Variants in CDH17 observed in about 807,000 individuals in gnomAD.
The protein encoded by CDH17 is cadherin 17.
Under a neutral mutation model 86.3 loss-of-function variants are expected in CDH17, and 67 were observed. The observed-to-expected ratio is 0.78, with a 90% CI of 0.64 to 0.95. CDH17 has a LOEUF of 0.95. Among genes scored for constraint, CDH17 ranks in the 40% least tolerant of loss-of-function variants. The pLI, the probability that CDH17 is intolerant of heterozygous loss-of-function variation, is 0.00. For synonymous variants in CDH17, 367 were observed against 366.4 expected (o/e 1.00, Z -0.02); for missense variants, 993 against 1,017.6 (o/e 0.98, Z 0.33).
intron 10 of CDH17, 69 bp downstream of exon 10, chr8:94,165,692 G>T: frequency 2.0e-6 from 2 of 1,023,898 alleles, no homozygotes; most frequent in Non-Finnish European, 3.1e-6. Context: ...AGACATTAGC[G>T]CAGGAAAATA....
intron 12 of CDH17, among the ~76,000 whole-genome samples, chr8:94,157,584 C>A (rs1471067105): frequency 3.3e-5 from 5 of 152,154 alleles, no homozygotes; most frequent in Non-Finnish European, 7.3e-5. Flanking sequence ...AGTGATCTTA[C>A]AAATAAATTT....
At chr8:94,191,598 C>T (rs1158218579) in intron 2 of CDH17, among the ~76,000 whole-genome samples, 3 of 55,762 alleles carry the variant, frequency 5.4e-5, no homozygotes, top group African/African-American at 1.5e-4. Context: ...ATTACAGGCA[C>T]CCCCCCACCA....
At chr8:94,143,457 G>C (rs1017733934) in intron 15 of CDH17, among the ~76,000 whole-genome samples, 2 of 152,186 alleles carry the variant, frequency 1.3e-5, no homozygotes, top group African/African-American at 2.4e-5. Flanking sequence ...ATTAGGGTTG[G>C]CTTTAACTTA....
intron 15 of CDH17, among the ~76,000 whole-genome samples, chr8:94,134,356 T>C (rs1812479846): frequency 6.6e-6 from 1 of 152,204 alleles, no homozygotes; most frequent in Non-Finnish European, 1.5e-5. Flanking sequence ...TATTCAGAGA[T>C]TCAACTTCTT....
intron 12 of CDH17, among the ~76,000 whole-genome samples, chr8:94,159,549 A>G (rs1462037602): frequency 6.6e-6 from 1 of 152,090 alleles, no homozygotes; most frequent in East Asian, 1.9e-4. Context: ...CCTGAGTGCC[A>G]CTCCCAGACC....
At chr8:94,166,071 C>G (rs764036171) in intron 9 of CDH17, 95 bp from the exon 10 acceptor site, 109 of 741,048 alleles carry the variant, frequency 1.5e-4, no homozygotes, top group Admixed American at 2.1e-4. Context: ...TAGAAAACAC[C>G]ATGAATAACT....
At chr8:94,147,596 G>C (rs1034216164) in intron 14 of CDH17, among the ~76,000 whole-genome samples, 1 of 152,078 alleles carries the variant, frequency 6.6e-6, no homozygotes, top group Non-Finnish European at 1.5e-5. Context: ...TTAGAGACTG[G>C]TCAACATTGG....
At chr8:94,214,945 G>T (rs1586039711) in intron 1 of CDH17, among the ~76,000 whole-genome samples, 1 of 152,100 alleles carries the variant, frequency 6.6e-6, no homozygotes, top group Non-Finnish European at 1.5e-5. Context: ...ACCCACCAGG[G>T]TGTTTCATAC....
intron 1 of CDH17, among the ~76,000 whole-genome samples, chr8:94,204,211 G>A (rs1488741953): frequency 6.6e-6 from 1 of 151,932 alleles, no homozygotes; most frequent in Non-Finnish European, 1.5e-5. Context: ...AGGTATAGAC[G>A]TGCCATGGTG....
chr8:94,200,521 A>ATTAT (rs1293545730), intron 1 of CDH17, among the ~76,000 whole-genome samples: 1 of 86,526 alleles, frequency 1.2e-5, no homozygotes, highest in Admixed American at 1.3e-4. Context: ...TCAGAGGGTT[A>ATTAT]TTATTATTAT....
chr8:94,199,083 ATTT>A (rs71510475), intron 1 of CDH17, among the ~76,000 whole-genome samples: 492 of 22,874 alleles, frequency 0.022, 5 homozygotes, highest in African/African-American at 0.029. Flanking sequence ...ATATATATAT[ATTT>A]TTTTTTTTTT....
At chr8:94,174,283 A>G (rs1813329364) in intron 5 of CDH17, 23 bp from the exon 6 acceptor site, 2 of 380,902 alleles carry the variant, frequency 5.3e-6, no homozygotes, top group Non-Finnish European at 7.6e-6. Flanking sequence ...ACGTACCCAG[A>G]AAAAAAAAAA....
chr8:94,129,807 T>G (rs976083505), intron 17 of CDH17, among the ~76,000 whole-genome samples: 1 of 152,134 alleles, frequency 6.6e-6, no homozygotes, highest in Non-Finnish European at 1.5e-5. Flanking sequence ...AGGCAAAACT[T>G]TGTTTCATAC....
At chr8:94,156,063 C>G (rs749345109) in intron 12 of CDH17, among the ~76,000 whole-genome samples, 12 of 152,126 alleles carry the variant, frequency 7.9e-5, no homozygotes, top group Non-Finnish European at 1.0e-4. Flanking sequence ...TCAAGAGACC[C>G]GTCACTGCCT....
rs1428743917 is a variant in CDH17, at chr8:94,165,887, G to A, written c.1156C>T (p.Pro386Ser). 2 of 1,613,656 alleles carry A rather than the reference G, an allele frequency of 1.2e-6. No individual in the cohort carries two copies. Among genetic ancestry groups the A allele is most frequent in the East Asian group, 2.2e-5 (1 of 44,840 alleles). Reference protein sequence around the residue: ...FLNYRIVEQTPKLPMDGLFLI... With the variant: ...FLNYRIVEQTSKLPMDGLFLI... ...AAGAGTCCATCCATGGGAAGTTTGG[G>A]AGTTTGCTCCACAATCCTGTAGTTT... Residue 386 changes from proline (P) to serine (S), a missense_variant, in exon 10 of 18, where the codon CCC (proline) becomes TCC (serine). Transcript: ENST00000027335.
At chr8:94,153,572 C>A (rs1470909987) in intron 12 of CDH17, among the ~76,000 whole-genome samples, 1 of 152,144 alleles carries the variant, frequency 6.6e-6, no homozygotes, top group African/African-American at 2.4e-5. Context: ...GCATCATTCA[C>A]AATAGCCAAG....
chr8:94,216,751 A>G (rs1255212297), intron 1 of CDH17, among the ~76,000 whole-genome samples: 2 of 152,204 alleles, frequency 1.3e-5, no homozygotes, highest in Admixed American at 6.5e-5. Flanking sequence ...ATACTTGACT[A>G]GAAGTTATCC....
intron 15 of CDH17, among the ~76,000 whole-genome samples, chr8:94,135,222 TTCTG>T (rs1237344454): frequency 6.6e-6 from 1 of 152,216 alleles, no homozygotes; most frequent in Non-Finnish European, 1.5e-5. Flanking sequence ...CTTGTTAACC[TTCTG>T]TCTCATTGAT....
chr8:94,196,728 T>C (rs1251974066), intron 1 of CDH17, among the ~76,000 whole-genome samples: 3 of 152,164 alleles, frequency 2.0e-5, no homozygotes, highest in Non-Finnish European at 4.4e-5. Context: ...AGAATCCAGC[T>C]GCAGACATAG....
Sources: allele counts gnomAD v4.1 joint callset (sites outside exome capture counted in the v4.1 genomes callset), GRCh38; gene constraint gnomAD v4.1.1; transcripts MANE v1.5; gene names NCBI Gene and HGNC (gene_info 2026-07-23, HGNC 2026-07-21).